RAB3B: variants seen among roughly 807,000 people sequenced by gnomAD.
RAB3B encodes the protein RAB3B, member RAS oncogene family, also known as ras-related protein Rab-3B.
In RAB3B, 11 loss-of-function variants were observed where a neutral mutation model predicts 20.5. The ratio of observed to expected loss-of-function variants is 0.54; its 90% confidence interval spans 0.34 to 0.89. The LOEUF (loss-of-function observed/expected upper bound fraction) is 0.89, where lower values mean the gene tolerates loss of function less well. Among genes scored for constraint, RAB3B ranks in the 40% least tolerant of loss-of-function variants. The probability of loss-of-function intolerance (pLI) is 0.02; values close to 1 mark genes in which losing one functional copy is unlikely to be tolerated. For missense variants in RAB3B, 225 were observed against 280.9 expected (o/e 0.80, Z 1.42); for synonymous variants, 99 against 106.3 (o/e 0.93, Z 0.42).
intron 4 of RAB3B, among the ~76,000 whole-genome samples, chr1:51,931,503 C>T (rs1011455199): frequency 1.8e-4 from 28 of 152,288 alleles, no homozygotes; most frequent in African/African-American, 6.5e-4. Flanking sequence ...GAAGTCTTCA[C>T]TGGACAATAA....
At chr1:51,942,450 C>G (rs1684506921) in intron 2 of RAB3B, among the ~76,000 whole-genome samples, 1 of 152,218 alleles carries the variant, frequency 6.6e-6, no homozygotes, top group African/African-American at 2.4e-5. Context: ...AGCAATTTAA[C>G]CACTGTTTGT....
chr1:51,949,807 C>T (rs1008260732), intron 2 of RAB3B, among the ~76,000 whole-genome samples: 5 of 152,322 alleles, frequency 3.3e-5, no homozygotes, highest in African/African-American at 7.2e-5. Flanking sequence ...CTGCTTCTGT[C>T]GCACGGGGTG....
At chr1:51,952,447 T>C (rs150298074) in intron 2 of RAB3B, among the ~76,000 whole-genome samples, 62 of 152,322 alleles carry the variant, frequency 4.1e-4, no homozygotes, top group African/African-American at 1.4e-3. Context: ...CTTCCTTGCA[T>C]TGTTCCTCAA....
chr1:51,952,175 C>A (rs1048987018), intron 2 of RAB3B, among the ~76,000 whole-genome samples: 1 of 152,190 alleles, frequency 6.6e-6, no homozygotes, highest in African/African-American at 2.4e-5. Context: ...GATCCCTATC[C>A]TCAGAACACT....
chr1:51,935,006 C>T (rs1328156277), intron 3 of RAB3B, among the ~76,000 whole-genome samples: 1 of 152,118 alleles, frequency 6.6e-6, no homozygotes, highest in Non-Finnish European at 1.5e-5. Context: ...TTCACCATGA[C>T]ACCTATTACA....
chr1:51,970,712 A>C (rs1219226990), intron 2 of RAB3B, among the ~76,000 whole-genome samples: 2 of 152,158 alleles, frequency 1.3e-5, no homozygotes, highest in South Asian at 2.1e-4. Flanking sequence ...AAACTTCAGA[A>C]AGCAACCCAG....
intron 4 of RAB3B, among the ~76,000 whole-genome samples, chr1:51,924,814 T>C (rs1336503669): frequency 6.6e-6 from 1 of 152,164 alleles, no homozygotes; most frequent in Non-Finnish European, 1.5e-5. Context: ...AGTAGGTCCA[T>C]ATGGTAACCT....
intron 2 of RAB3B, among the ~76,000 whole-genome samples, chr1:51,954,566 T>A (rs1684681291): frequency 1.3e-5 from 2 of 152,212 alleles, no homozygotes. Flanking sequence ...AGGAAAAGCA[T>A]GTGAACCAAC....
At chr1:51,936,774 C>T (rs926361583) in intron 3 of RAB3B, among the ~76,000 whole-genome samples, 9 of 151,952 alleles carry the variant, frequency 5.9e-5, no homozygotes, top group Non-Finnish European at 7.4e-5. Context: ...CCTGATGCCT[C>T]GCTTCATCAC....
intron 2 of RAB3B, among the ~76,000 whole-genome samples, chr1:51,954,279 T>C (rs1684678070): frequency 6.6e-6 from 1 of 152,244 alleles, no homozygotes; most frequent in Non-Finnish European, 1.5e-5. Context: ...TTTCTAACAA[T>C]GTTAGCTACG....
At chr1:51,931,460 C>A (rs1334877049) in intron 4 of RAB3B, among the ~76,000 whole-genome samples, 1 of 152,166 alleles carries the variant, frequency 6.6e-6, no homozygotes, top group Non-Finnish European at 1.5e-5. Context: ...GCCTATTTCA[C>A]AGCTCAGGGC....
At chr1:51,921,921 C>T (rs1309844099) in intron 4 of RAB3B, among the ~76,000 whole-genome samples, 1 of 152,150 alleles carries the variant, frequency 6.6e-6, no homozygotes, top group African/African-American at 2.4e-5. Flanking sequence ...CTGAAGCCCC[C>T]CAGGTATAAA....
At position 51,919,790 on chromosome 1, in the gene RAB3B, A is replaced by C; in HGVS notation, c.*137T>G. ...AGAGAACCCCAGGGGCAGGCAAAGAATAGCAGCAACTCATCTTGCTCTGAG... is the reference window on the plus strand; with the variant it reads ...AGAGAACCCCAGGGGCAGGCAAAGACTAGCAGCAACTCATCTTGCTCTGAG... On this transcript the variant is annotated 3_prime_UTR_variant, in exon 5 of 5. Coordinates refer to ENST00000371655, the MANE Select transcript of RAB3B (RefSeq NM_002867.4). The C allele has an allele frequency of 1.1e-6, 1 of 883,418 alleles. No homozygotes were observed. Among genetic ancestry groups the C allele is most frequent in the East Asian group, 2.7e-5 (1 of 37,252 alleles). The allele number at this position is 883,418 out of a possible 1,614,324, so 54.7% of individuals were successfully genotyped here.
rs201291187 is a variant in RAB3B, at chr1:51,911,390, TTTTGTTTGTTTG to T, written c.*8525_*8536del. 1 of 152,186 alleles carries T rather than the reference TTTTGTTTGTTTG, an allele frequency of 6.6e-6. No homozygotes were observed. The highest frequency in any genetic ancestry group is 2.4e-5 in the African/African-American group (1 of 41,434). 9.4% of individuals were successfully genotyped at this position (152,186 alleles called of 1,614,324 possible). On this transcript the variant is annotated 3_prime_UTR_variant, in exon 5 of 5. Coordinates refer to ENST00000371655, the MANE Select transcript of RAB3B (RefSeq NM_002867.4). ...AATGACCCAGGTTTTTTTTGTTTGT[TTTTGTTTGTTTG>T]TTTGTTTGTTTTAGAATTTCTGTGC...
chr1:51,976,540 A>G (rs1003793321), intron 2 of RAB3B, among the ~76,000 whole-genome samples: 6 of 152,196 alleles, frequency 3.9e-5, no homozygotes, highest in African/African-American at 1.4e-4. Flanking sequence ...CAAAGGAGAA[A>G]GGGTGCCCCA....
At chr1:51,948,217 A>T (rs1455657834) in intron 2 of RAB3B, among the ~76,000 whole-genome samples, 1 of 152,210 alleles carries the variant, frequency 6.6e-6, no homozygotes, top group Non-Finnish European at 1.5e-5. Flanking sequence ...ATGACAGGAA[A>T]TCATGAAAAC....
intron 2 of RAB3B, among the ~76,000 whole-genome samples, chr1:51,967,156 T>C (rs757305956): frequency 6.6e-6 from 1 of 151,860 alleles, no homozygotes; most frequent in Non-Finnish European, 1.5e-5. Context: ...CTACTAAAAA[T>C]AGAAAAATCA....
At chr1:51,929,330 C>CTTTTTTTTTTTTTTTTTTT (rs956055193) in intron 4 of RAB3B, among the ~76,000 whole-genome samples, 2 of 151,248 alleles carry the variant, frequency 1.3e-5, no homozygotes, top group South Asian at 2.1e-4. Context: ...CATTCTCTCC[C>CTTTTTTTTTTTTTTTTTTT]TTTTTTTTTC....
intron 1 of RAB3B, among the ~76,000 whole-genome samples, chr1:51,987,151 TAAGG>T (rs974914492): frequency 2.0e-5 from 3 of 151,932 alleles, no homozygotes; most frequent in Non-Finnish European, 4.4e-5. Flanking sequence ...AATAAGCACC[TAAGG>T]AAGAAGCCAA....
Sources: gnomAD v4.1 joint callset for allele counts (sites outside exome capture counted in the v4.1 genomes callset) on GRCh38, gnomAD v4.1.1 for gene constraint, MANE v1.5 for transcripts, NCBI Gene and HGNC (gene_info 2026-07-23, HGNC 2026-07-21) for gene names.